PTDSS2: variants seen among roughly 807,000 people sequenced by gnomAD.
The protein encoded by PTDSS2 is PSS-2.
Under a neutral mutation model 64.7 loss-of-function variants are expected in PTDSS2, and 41 were observed. The ratio of observed to expected loss-of-function variants is 0.63; its 90% CI spans 0.49 to 0.82. The LOEUF (loss-of-function observed/expected upper bound fraction) is 0.82. PTDSS2 is among the 40% of genes least tolerant of loss of function. The pLI, the probability that PTDSS2 is intolerant of heterozygous loss-of-function variation, is 0.00. For missense variants in PTDSS2, 485 were observed against 650.0 expected (o/e 0.75, Z 2.76); for synonymous variants, 297 against 277.8 (o/e 1.07, Z -0.69).
intron 2 of PTDSS2, among the ~76,000 whole-genome samples, chr11:466,784 C>G (rs914656462): frequency 6.6e-6 from 1 of 152,174 alleles, no homozygotes; most frequent in African/African-American, 2.4e-5. Context: ...GGAACCGCCC[C>G]CATAACCCAG....
intron 1 of PTDSS2, chr11:459,868 A>G (rs775245442): frequency 5.8e-6 from 2 of 343,530 alleles, no homozygotes; most frequent in African/African-American, 2.1e-5. Flanking sequence ...TTACGTGTCC[A>G]GTTGCTCTTA....
intron 9 of PTDSS2, 23 bp downstream of exon 9, chr11:489,537 C>T (rs61876336): frequency 0.12 from 194,579 of 1,609,486 alleles, 13,799 homozygotes; most frequent in Admixed American, 0.24. Flanking sequence ...TGCCTCGCGA[C>T]GGCGCGGCGG....
intron 1 of PTDSS2, among the ~76,000 whole-genome samples, chr11:453,480 G>C (rs1342763332): frequency 6.6e-6 from 1 of 152,214 alleles, no homozygotes; most frequent in Non-Finnish European, 1.5e-5. Context: ...TTGTGTCTTG[G>C]AATGGGGTGC....
At position 450,369 on chromosome 11, in the gene PTDSS2, C is replaced by T. The variant is rs1028877562; in HGVS notation, c.-87C>T. Reference sequence around the variant, plus strand: ...GCCGCGACCCCTTCCCAGCGCTCCTCGCGCTGTGTGCGGCGCGTCCTCTCG... The same window carrying T: ...GCCGCGACCCCTTCCCAGCGCTCCTTGCGCTGTGTGCGGCGCGTCCTCTCG... On this transcript the variant is annotated 5_prime_UTR_variant, in exon 1 of 12. Coordinates refer to ENST00000308020, the MANE Select transcript of PTDSS2 (RefSeq NM_030783.3). 7 of 1,147,622 alleles carry T rather than the reference C, an allele frequency of 6.1e-6. No individual in the cohort carries two copies. In the Admixed American group the frequency reaches 1.7e-4, roughly 29 times the overall value. The allele number at this position is 1,147,622 out of a possible 1,614,324, so 71.1% of individuals were successfully genotyped here.
Position 489,482 on chromosome 11 carries a change from C to T in PTDSS2, c.937C>T (p.Arg313Cys), listed in dbSNP as rs1848563480. 6.2e-7 allele frequency: 1 copy of T among 1,613,170 alleles called. No homozygotes were observed. The highest frequency in any genetic ancestry group is 8.5e-7 in the Non-Finnish European group (1 of 1,179,828). ...FEWKPASSLR[R>C]WLAVCGIILV... ...GTGGAAGCCGGCCTCCAGCCTGCGT[C>T]GCTGGCTGGCCGTGTGCGGCATCAT... Residue 313 changes from arginine (R) to cysteine (C), a missense_variant, in exon 9 of 12, where the codon CGC (arginine) becomes TGC (cysteine). By Grantham distance (180) the Arg-to-Cys change is radical (BLOSUM62 -3). Coordinates refer to ENST00000308020, the MANE Select transcript of PTDSS2 (RefSeq NM_030783.3).
rs76159369 is a variant in PTDSS2 at position 453,644 on chromosome 11, T to G, written c.182+3007T>G. Among the ~76,000 whole-genome samples the G allele has an allele frequency of 7.5e-3, 1,143 of 152,342 alleles. 13 individuals are homozygous for G. The highest frequency in any genetic ancestry group is 0.025 in the African/African-American group (1,060 of 41,576). On this transcript the variant is annotated intron_variant, in intron 1 of 11. Transcript: ENST00000308020. ...CACCTGGGAGGCGCGAGTAGCCAGA[T>G]GAAGTCTTTCTGGTCTTGCTGGTCA... is the stretch of plus-strand genomic sequence containing the variant.
chr11:459,621 G>A (rs1846780110), intron 1 of PTDSS2: 1 of 155,050 alleles, frequency 6.4e-6, no homozygotes, highest in African/African-American at 2.4e-5. Flanking sequence ...GACAGGACAA[G>A]ACTGCAAAGG....
intron 2 of PTDSS2, among the ~76,000 whole-genome samples, chr11:467,333 C>T (rs1172960910): frequency 6.6e-6 from 1 of 152,174 alleles, no homozygotes; most frequent in Admixed American, 6.5e-5. Flanking sequence ...GCATACCCGA[C>T]GGAGCAGCTA....
chr11:452,051 C>T (rs1385016343), intron 1 of PTDSS2, among the ~76,000 whole-genome samples: 3 of 152,118 alleles, frequency 2.0e-5, no homozygotes, highest in Admixed American at 6.5e-5. Flanking sequence ...TGGGGACCAC[C>T]GGAGTCTCTG....
chr11:452,052 G>T (rs113470768), intron 1 of PTDSS2, among the ~76,000 whole-genome samples: 4 of 152,106 alleles, frequency 2.6e-5, no homozygotes, highest in Non-Finnish European at 5.9e-5. Flanking sequence ...GGGGACCACC[G>T]GAGTCTCTGA....
At chr11:487,244 C>G (rs947929619) in intron 5 of PTDSS2, 171 bp downstream of exon 5, 1 of 930,048 alleles carries the variant, frequency 1.1e-6, no homozygotes, top group Non-Finnish European at 1.7e-6. Context: ...GGGCAGGGGG[C>G]CCCTGCTCTC....
chr11:471,577 G>T (rs1175704568), intron 2 of PTDSS2, among the ~76,000 whole-genome samples: 3 of 151,020 alleles, frequency 2.0e-5, no homozygotes, highest in Non-Finnish European at 3.0e-5. Flanking sequence ...CGGGCGGAGG[G>T]CGGCCTGGGG....
chr11:481,979 A>G (rs1385582128), intron 4 of PTDSS2, among the ~76,000 whole-genome samples: 1 of 150,130 alleles, frequency 6.7e-6, no homozygotes, highest in Non-Finnish European at 1.5e-5. Context: ...AGTAGCTGGG[A>G]TTACAGGCAT....
At position 476,811 on chromosome 11, in the gene PTDSS2, TCTAC is replaced by T. The variant is rs886414636; in HGVS notation, c.368-2271_368-2268del. Among the ~76,000 whole-genome samples, 12 of 152,346 alleles carry T rather than the reference TCTAC, an allele frequency of 7.9e-5. No individual in the cohort carries two copies. Among genetic ancestry groups the T allele is most frequent in the African/African-American group, 2.9e-4 (12 of 41,594 alleles). ...GTTCAGTTTTTAGTCTGAGCTCTGC[TCTAC>T]CTTTCTTCTGTCCGTTTAGTTTGCT... On this transcript the variant is annotated intron_variant, in intron 3 of 11. Transcript: ENST00000308020. The surrounding 1 kb of genome is among the most constrained non-coding windows in gnomAD (Gnocchi z 4.9).
Position 471,943 on chromosome 11 carries a change from G to A in PTDSS2, c.285-1952G>A, listed in dbSNP as rs139973355. Among the ~76,000 whole-genome samples, 321 of 140,388 alleles carry A rather than the reference G, an allele frequency of 2.3e-3. 9 individuals carry two copies. In the East Asian group the frequency reaches 0.055, roughly 24 times the overall value. 92.1% of individuals were successfully genotyped at this position (140,388 alleles called of 152,430 possible). On this transcript the variant is annotated intron_variant, in intron 2 of 11. Coordinates refer to ENST00000308020, the MANE Select transcript of PTDSS2 (RefSeq NM_030783.3). ...CGGGCAGATGGTGGCCTGGGGTGAC[G>A]TGGATGGCGGCCTGGGGTGATGCAG...
rs769194975 is a variant in PTDSS2, at chr11:479,238, C to A, written c.435+86C>A. 1.8e-6 allele frequency: 2 copies of A among 1,123,902 alleles called. No homozygotes were observed. Among genetic ancestry groups the A allele is most frequent in the Non-Finnish European group, 2.7e-6 (2 of 733,226 alleles). 69.6% of individuals were successfully genotyped at this position (1,123,902 alleles called of 1,614,324 possible). Reference sequence around the variant, plus strand: ...GGTGACAAAGGAGGCCTTGCCCACACAGCCCTCGAGTGATGGGAGGAAGCA... The same window carrying A: ...GGTGACAAAGGAGGCCTTGCCCACAAAGCCCTCGAGTGATGGGAGGAAGCA... On this transcript the variant is annotated intron_variant, in intron 4 of 11. Coordinates refer to ENST00000308020, the MANE Select transcript of PTDSS2 (RefSeq NM_030783.3). The surrounding 1 kb of genome is among the most constrained non-coding windows in gnomAD (Gnocchi z 4.2).
intron 1 of PTDSS2, among the ~76,000 whole-genome samples, chr11:452,297 C>T (rs557834629): frequency 6.6e-6 from 1 of 152,236 alleles, no homozygotes; most frequent in South Asian, 2.1e-4. Context: ...AAACAAGAAG[C>T]TTAGATTCTG....
intron 3 of PTDSS2, among the ~76,000 whole-genome samples, chr11:475,386 T>C (rs1430519156): frequency 2.6e-5 from 4 of 151,610 alleles, no homozygotes; most frequent in Non-Finnish European, 5.9e-5. Flanking sequence ...TATGGACATA[T>C]TCACGCGTTT....
chr11:486,827 G>A (rs1026595736), intron 4 of PTDSS2, 112 bp from the exon 5 acceptor site: 16 of 1,384,998 alleles, frequency 1.2e-5, no homozygotes, highest in African/African-American at 2.9e-5. Context: ...CAGCCTGGGC[G>A]ACAGAGCGAG....
Sources: gnomAD v4.1 joint callset for allele counts (sites outside exome capture counted in the v4.1 genomes callset) on GRCh38, gnomAD v4.1.1 for gene constraint, Gnocchi (gnomAD v3.1) non-coding constraint, MANE v1.5 for transcripts, NCBI Gene and HGNC (gene_info 2026-07-23, HGNC 2026-07-21) for gene names.